MRPL20: variants seen among roughly 807,000 people sequenced by gnomAD.
MRPL20 encodes the protein large ribosomal subunit protein bL20m.
A neutral mutation model predicts 20.0 loss-of-function variants in MRPL20; 21 were observed. That is an observed-to-expected ratio of 1.05 (90% confidence interval 0.74 to 1.51). MRPL20 has a LOEUF of 1.51. Among genes scored for constraint, MRPL20 ranks in the 40% most tolerant of loss-of-function variants. The pLI is 0.00. For missense variants in MRPL20, 252 were observed against 185.6 expected, an observed-to-expected ratio of 1.36 and a Z score of -2.08; for synonymous variants, 104 against 73.0, an observed-to-expected ratio of 1.43 and a Z score of -2.17.
intron 3 of MRPL20, chr1:1,405,412 C>T (rs1645373349): frequency 3.5e-6 from 2 of 573,774 alleles, no homozygotes; most frequent in African/African-American, 1.9e-5. Context: ...CAGTAGCTGA[C>T]ATTACATGTC....
chr1:1,406,690 G>A (rs1645387530), intron 2 of MRPL20: 2 of 579,248 alleles, frequency 3.5e-6, no homozygotes, highest in South Asian at 1.9e-5. Flanking sequence ...CCCGGGCGAG[G>A]GGCTGGAGCA....
At position 1,406,917 on chromosome 1, in the gene MRPL20, T is replaced by A. The variant is rs767711323; in HGVS notation, c.190A>T (p.Met64Leu). 4 of 1,612,444 alleles carry A rather than the reference T, an allele frequency of 2.5e-6. No individual in the cohort carries two copies. The Admixed American group carries it at 6.7e-5, about 27-fold the overall frequency. Residue 64 changes from methionine (M) to leucine (L), a missense_variant, in exon 2 of 4, where the codon ATG (methionine) becomes TTG (leucine). Met to Leu is a conservative substitution (Grantham distance 15). Transcript: ENST00000344843. ...TKARYLKKKNMRTLWINRITA... is the reference protein window; with the variant it reads ...TKARYLKKKNLRTLWINRITA... Reference sequence around the variant, plus strand: ...CCCGGGTCCACGCTTACGGTCCTCATGTTCTTTTTCTTCAGGTATCGGGCT... The same window carrying A: ...CCCGGGTCCACGCTTACGGTCCTCAAGTTCTTTTTCTTCAGGTATCGGGCT...
At chr1:1,404,688 G>C (rs1035447592) in intron 3 of MRPL20, among the ~76,000 whole-genome samples, 1 of 151,180 alleles carries the variant, frequency 6.6e-6, no homozygotes, top group Non-Finnish European at 1.5e-5. Flanking sequence ...TTTTAGTAGA[G>C]ACCGGGTTTC....
chr1:1,403,621 T>C (rs1341350761), intron 3 of MRPL20, among the ~76,000 whole-genome samples: 1 of 152,080 alleles, frequency 6.6e-6, no homozygotes, highest in East Asian at 1.9e-4. Context: ...TGAAGATCTT[T>C]GTAAAGCACC....
chr1:1,403,519 G>A (rs1181675759), intron 3 of MRPL20, among the ~76,000 whole-genome samples: 3 of 152,128 alleles, frequency 2.0e-5, no homozygotes, highest in Non-Finnish European at 4.4e-5. Flanking sequence ...TGGGATTACA[G>A]GCGTGAGCCA....
intron 3 of MRPL20, chr1:1,402,592 C>T: frequency 9.6e-6 from 10 of 1,046,470 alleles, no homozygotes; most frequent in Non-Finnish European, 1.2e-5. Context: ...TTAAGCCAAC[C>T]TGGAAGTGCC....
intron 3 of MRPL20, among the ~76,000 whole-genome samples, chr1:1,403,147 AAC>A (rs1645349062): frequency 6.9e-6 from 1 of 145,788 alleles, no homozygotes; most frequent in Admixed American, 6.8e-5. Flanking sequence ...AAGGAACAAA[AAC>A]ACAAAATTCG....
chr1:1,403,996 C>T (rs1047842882), intron 3 of MRPL20, among the ~76,000 whole-genome samples: 4 of 151,884 alleles, frequency 2.6e-5, no homozygotes, highest in African/African-American at 4.8e-5. Flanking sequence ...GCCAGCACCA[C>T]GCCTGGCTCA....
chr1:1,406,666 C>A (rs1351532906), intron 2 of MRPL20: 2 of 532,314 alleles, frequency 3.8e-6, no homozygotes, highest in Non-Finnish European at 6.7e-6. Flanking sequence ...AGTGTCAAGG[C>A]GGCTCTGCAG....
chr1:1,407,273 C>T lies in MRPL20; in HGVS notation c.-56G>A. On this transcript the variant is annotated 5_prime_UTR_variant, in exon 1 of 4. An upstream start codon of the reference 5' UTR is lost. Transcript: ENST00000344843. ...AACAACGCACGCGCAGCGCCGCTGC[C>T]ATCTTGCCCGGGTCGGAAATGGTGG... 2 of 1,465,550 alleles carry T rather than the reference C, an allele frequency of 1.4e-6. No homozygotes were observed. Among genetic ancestry groups the T allele is most frequent in the Non-Finnish European group, 1.9e-6 (2 of 1,072,710 alleles). The allele number at this position is 1,465,550 out of a possible 1,614,324, so 90.8% of individuals were successfully genotyped here. A position where few individuals can be genotyped will look rare whatever the true frequency, so the allele number is the denominator to read the frequency against.
At position 1,402,660 on chromosome 1, in the gene MRPL20, G is replaced by GA. The variant is rs1645343129; in HGVS notation, c.277-405dup. The GA allele has an allele frequency of 8.2e-6, 8 of 976,478 alleles. No homozygotes were observed. In the South Asian group the frequency reaches 3.3e-4, roughly 40 times the overall value. The allele number at this position is 976,478 out of a possible 1,614,324, so 60.5% of individuals were successfully genotyped here. ...GAACAATGCCAGAGTTTAAGGAGTA[G>GA]AAAAGGGGGGCCGTCTCTTTGAGCA... is the stretch of plus-strand genomic sequence containing the variant. On this transcript the variant is annotated intron_variant, in intron 3 of 3. Transcript: ENST00000344843.
intron 3 of MRPL20, chr1:1,405,563 C>A (rs1325987827): frequency 1.5e-6 from 1 of 666,320 alleles, no homozygotes; most frequent in Admixed American, 2.2e-5. Context: ...CGTTTCCAGC[C>A]TGGGCTGGTT....
chr1:1,407,084 G>A (rs768131200), intron 1 of MRPL20, 47 bp downstream of exon 1: 3 of 1,608,098 alleles, frequency 1.9e-6, no homozygotes, highest in South Asian at 1.1e-5. Context: ...CTTGGCCCGC[G>A]GGATACCCCG....
In MRPL20 at chr1:1,406,759, C is replaced by T. The variant is rs113039830; in HGVS notation, c.198+150G>A. ...GAACGGATGTCCCACAGTTTGCCTGCGGGGCGACATAATTTGTCGGAGTTT... is the reference window on the plus strand; with the variant it reads ...GAACGGATGTCCCACAGTTTGCCTGTGGGGCGACATAATTTGTCGGAGTTT... On this transcript the variant is annotated intron_variant, in intron 2 of 3. Transcript: ENST00000344843. The T allele has an allele frequency of 7.1e-6, 5 of 707,388 alleles. No individual in the cohort carries two copies. In the African/African-American group the frequency reaches 8.7e-5, roughly 12 times the overall value. The allele number at this position is 707,388 out of a possible 1,614,324, so 43.8% of individuals were successfully genotyped here.
chr1:1,402,832 GA>G (rs1178363344), intron 3 of MRPL20, among the ~76,000 whole-genome samples: 5 of 151,530 alleles, frequency 3.3e-5, no homozygotes, highest in Non-Finnish European at 7.4e-5. Flanking sequence ...AAAAATACAA[GA>G]AAAAAAACCA....
intron 3 of MRPL20, among the ~76,000 whole-genome samples, chr1:1,404,901 C>T (rs532711006): frequency 3.3e-5 from 5 of 152,310 alleles, no homozygotes; most frequent in African/African-American, 1.2e-4. Flanking sequence ...CACACCAAGA[C>T]AGAGTGCAGC....
At chr1:1,405,458 G>T (rs1174215220) in intron 3 of MRPL20, 5 of 594,098 alleles carry the variant, frequency 8.4e-6, no homozygotes, top group Non-Finnish European at 1.5e-5. Flanking sequence ...TTATTTTTTT[G>T]TAGAGAGTGG....
At chr1:1,407,092 C>T in intron 1 of MRPL20, 39 bp downstream of exon 1, 2 of 1,608,398 alleles carry the variant, frequency 1.2e-6, no homozygotes, top group Non-Finnish European at 1.7e-6. Flanking sequence ...GCGGGATACC[C>T]CGGGCGCCCA....
intron 3 of MRPL20, among the ~76,000 whole-genome samples, chr1:1,404,649 G>A (rs1406007548): frequency 5.4e-5 from 8 of 148,522 alleles, no homozygotes; most frequent in South Asian, 2.1e-4. Flanking sequence ...TACAGGTGCC[G>A]GCCACCATGC....
Sources: gnomAD v4.1 joint callset for allele counts (sites outside exome capture counted in the v4.1 genomes callset) on GRCh38, gnomAD v4.1.1 for gene constraint, MANE v1.5 for transcripts, NCBI Gene and HGNC (gene_info 2026-07-23, HGNC 2026-07-21) for gene names.